CUL3: variants seen among roughly 807,000 people sequenced by gnomAD.
CUL3 encodes the protein cullin 3, also known as cullin-3.
In CUL3, 19 loss-of-function variants were observed where a neutral mutation model predicts 89.1. That is an observed-to-expected ratio of 0.21 (90% confidence interval 0.15 to 0.31). CUL3 has a LOEUF of 0.31. CUL3 is among the 10% of genes least tolerant of loss of function. CUL3 has a pLI of 1.00. For synonymous variants in CUL3, 351 were observed against 308.4 expected (o/e 1.14, Z -1.45); for missense variants, 469 against 942.3 (o/e 0.50, Z 6.58).
chr2:224,505,252 C>T (rs1009956101), intron 8 of CUL3, among the ~76,000 whole-genome samples: 3 of 151,994 alleles, frequency 2.0e-5, no homozygotes, highest in Non-Finnish European at 4.4e-5. Context: ...ATTCTCCTGC[C>T]TCAGCCTCCT....
chr2:224,482,268 G>A (rs1691563519), intron 13 of CUL3, among the ~76,000 whole-genome samples, 190 bp from the exon 14 acceptor site: 2 of 152,044 alleles, frequency 1.3e-5, no homozygotes, highest in African/African-American at 4.8e-5. Context: ...AGAGGAAAGG[G>A]TGATTCAAGT....
At chr2:224,482,622 A>G (rs899618671) in intron 13 of CUL3, among the ~76,000 whole-genome samples, 1 of 152,140 alleles carries the variant, frequency 6.6e-6, no homozygotes, top group African/African-American at 2.4e-5. Context: ...TTAAACATAA[A>G]TATCAACAAG....
intron 1 of CUL3, among the ~76,000 whole-genome samples, chr2:224,584,506 T>C (rs1482800598): frequency 3.3e-5 from 5 of 152,014 alleles, no homozygotes; most frequent in African/African-American, 9.7e-5. Context: ...TTCATCACCC[T>C]AAAAGCTAGG....
rs1287753488 is a variant in CUL3, at chr2:224,503,780, C to T, written c.1249G>A (p.Val417Ile). The change falls in exon 9 of 16, where the codon GTC (valine) becomes ATC (isoleucine). Residue 417 changes from valine to isoleucine, a missense_variant. This residue lies in a region of CUL3 where 370 missense variants were observed against 733.2 expected (regional missense o/e 0.50). Transcript: ENST00000264414. ...TTTTCTTGCATAAACCTAAAAAGGA[C>T]CATTGCTTTATCCAATATTGTTTCT... ...EVETILDKAMVLFRFMQEKDV... is the reference protein window; with the variant it reads ...EVETILDKAMILFRFMQEKDV... 6.3e-7 allele frequency: 1 copy of T among 1,598,794 alleles called. No homozygotes were observed. The highest frequency in any genetic ancestry group is 1.8e-5 in the Admixed American group (1 of 56,402).
At chr2:224,579,353 T>C (rs1259769059) in intron 1 of CUL3, among the ~76,000 whole-genome samples, 1 of 152,176 alleles carries the variant, frequency 6.6e-6, no homozygotes, top group East Asian at 1.9e-4. Context: ...AAGACTACCA[T>C]CCAGCTTTCC....
intron 1 of CUL3, among the ~76,000 whole-genome samples, chr2:224,565,300 G>T (rs1695016069): frequency 6.6e-6 from 1 of 152,172 alleles, no homozygotes; most frequent in African/African-American, 2.4e-5. Context: ...GAAGTGGATT[G>T]TCATAAAGGT....
intron 3 of CUL3, among the ~76,000 whole-genome samples, chr2:224,533,819 T>C (rs1693781289): frequency 6.6e-6 from 1 of 152,198 alleles, no homozygotes; most frequent in African/African-American, 2.4e-5. Context: ...ATACCTTTTA[T>C]CAAATCCCTT....
chr2:224,553,363 T>TA (rs1013581465), intron 2 of CUL3, among the ~76,000 whole-genome samples: 10 of 152,244 alleles, frequency 6.6e-5, no homozygotes, highest in Admixed American at 3.3e-4. Context: ...AAGAAAAGAA[T>TA]AAATAAAAGA....
rs567095331 is a variant in CUL3 at position 224,517,926 on chromosome 2, AT to A, written c.379-3155del. Among the ~76,000 whole-genome samples the A allele has an allele frequency of 6.2e-4, 95 of 152,176 alleles. 2 individuals carry two copies. The highest frequency in any genetic ancestry group is 2.0e-3 in the African/African-American group (85 of 41,534). ...TCTAGCTTGCCAAATAAAAAATTTT[AT>A]TTTTTTCACAAGATTTTATCAATTT... On this transcript the variant is annotated intron_variant, in intron 3 of 15. Transcript: ENST00000264414.
At chr2:224,542,350 G>A (rs1226533973) in intron 2 of CUL3, among the ~76,000 whole-genome samples, 1 of 152,088 alleles carries the variant, frequency 6.6e-6, no homozygotes, top group Admixed American at 6.5e-5. Flanking sequence ...TTAAGAAACA[G>A]GGTGTCACTC....
At chr2:224,536,232 T>C (rs748428020) in intron 2 of CUL3, among the ~76,000 whole-genome samples, 7 of 152,214 alleles carry the variant, frequency 4.6e-5, no homozygotes, top group Non-Finnish European at 1.0e-4. Context: ...TATAATAAAC[T>C]ACTCAGTACA....
At chr2:224,549,946 T>C (rs1694450585) in intron 2 of CUL3, among the ~76,000 whole-genome samples, 1 of 152,196 alleles carries the variant, frequency 6.6e-6, no homozygotes, top group Non-Finnish European at 1.5e-5. Context: ...AATATTATTA[T>C]CTTATAATGT....
chr2:224,528,765 T>C (rs896299091), intron 3 of CUL3, among the ~76,000 whole-genome samples: 3 of 152,134 alleles, frequency 2.0e-5, no homozygotes, highest in African/African-American at 7.2e-5. Flanking sequence ...CCTCCTTTCT[T>C]GGGTTACTCT....
At chr2:224,562,273 T>TA (rs1422694531) in intron 1 of CUL3, among the ~76,000 whole-genome samples, 3 of 151,862 alleles carry the variant, frequency 2.0e-5, no homozygotes, top group African/African-American at 7.3e-5. Flanking sequence ...GCCTTATTGA[T>TA]AGATAAAAGA....
intron 3 of CUL3, among the ~76,000 whole-genome samples, chr2:224,517,606 G>C (rs746610646): frequency 6.6e-6 from 1 of 152,220 alleles, no homozygotes; most frequent in Non-Finnish European, 1.5e-5. Context: ...CCAGTAGACA[G>C]AGGCTGCAAT....
chr2:224,482,655 AAT>A (rs144723434), intron 13 of CUL3, among the ~76,000 whole-genome samples: 2,256 of 152,272 alleles, frequency 0.015, 55 homozygotes, highest in African/African-American at 0.051. Flanking sequence ...AAGTTCAGGT[AAT>A]AATCTTTACT....
At chr2:224,582,451 G>C (rs1372994559) in intron 1 of CUL3, among the ~76,000 whole-genome samples, 2 of 152,164 alleles carry the variant, frequency 1.3e-5, no homozygotes, top group Admixed American at 1.3e-4. Context: ...GTAACAAAGG[G>C]CCATAAACTG....
rs1192217734 is a variant in CUL3 at position 224,470,544 on chromosome 2, G to A, written c.*3701C>T. 3 of 231,578 alleles carry A rather than the reference G, an allele frequency of 1.3e-5. No homozygotes were observed. The highest frequency in any genetic ancestry group is 2.6e-5 in the Non-Finnish European group (3 of 117,160). 14.3% of individuals were successfully genotyped at this position (231,578 alleles called of 1,614,324 possible). A position where few individuals can be genotyped will look rare whatever the true frequency, so the allele number is the denominator to read the frequency against. ...CTTCCTTCTGGCTAATTTGACATAG[G>A]AAAGGCACACAAAGGAAAACATTTT... On this transcript the variant is annotated 3_prime_UTR_variant, in exon 16 of 16. Transcript: ENST00000264414.
rs571669833 is a variant in CUL3 at position 224,512,261 on chromosome 2, A to G, written c.655-679T>C. On this transcript the variant is annotated intron_variant, in intron 5 of 15. Coordinates refer to ENST00000264414, the MANE Select transcript of CUL3 (RefSeq NM_003590.5). ...CAGGCGCCCGCCACCACGCCCGGCT[A>G]ATTTTTTTGTATTTTTAGTAGAAAT... Among the ~76,000 whole-genome samples, 33 of 152,034 alleles carry G rather than the reference A, an allele frequency of 2.2e-4. No homozygotes were observed. The South Asian group carries it at 6.1e-3, about 28-fold the overall frequency.
Sources: gnomAD v4.1 joint callset for allele counts (sites outside exome capture counted in the v4.1 genomes callset) on GRCh38, gnomAD v4.1.1 for gene constraint, gnomAD v4.1.1 regional missense constraint, MANE v1.5 for transcripts, NCBI Gene and HGNC (gene_info 2026-07-23, HGNC 2026-07-21) for gene names.